ZSCAN23: variants seen among roughly 807,000 people sequenced by gnomAD.
The protein encoded by ZSCAN23 is zinc finger and SCAN domain-containing protein 23.
In ZSCAN23, 19 loss-of-function variants were observed where a neutral mutation model predicts 19.3. The observed-to-expected ratio is 0.99, with a 90% confidence interval of 0.69 to 1.45. The LOEUF (loss-of-function observed/expected upper bound fraction) is 1.45. Among genes scored for constraint, ZSCAN23 ranks in the 40% most tolerant of loss-of-function variants. The pLI, the probability that ZSCAN23 is intolerant of heterozygous loss-of-function variation, is 0.00. For missense variants in ZSCAN23, 372 were observed against 462.5 expected (o/e 0.80, Z 1.79); for synonymous variants, 140 against 166.2 (o/e 0.84, Z 1.21).
At chr6:28,442,253 G>T (rs553849200) in intron 1 of ZSCAN23, among the ~76,000 whole-genome samples, 2 of 152,260 alleles carry the variant, frequency 1.3e-5, no homozygotes, top group African/African-American at 4.8e-5. Flanking sequence ...ATGAAATGAG[G>T]TCAACAACTG....
chr6:28,429,222 C>T (rs552715060), downstream of ZSCAN23, among the ~76,000 whole-genome samples: 1 of 152,288 alleles, frequency 6.6e-6, no homozygotes, highest in South Asian at 2.1e-4. Context: ...CATGTCTTTC[C>T]CATTACACTA....
chr6:28,431,620 A>G (rs765001223), downstream of ZSCAN23, among the ~76,000 whole-genome samples: 8 of 152,246 alleles, frequency 5.3e-5, no homozygotes, highest in Non-Finnish European at 1.0e-4. Flanking sequence ...GCCCATTGGC[A>G]GTTGGCATAG....
At chr6:28,441,321 C>T (rs537840801) in intron 1 of ZSCAN23, among the ~76,000 whole-genome samples, 1 of 152,326 alleles carries the variant, frequency 6.6e-6, no homozygotes, top group South Asian at 2.1e-4. Context: ...AGACCTTTAG[C>T]TTCTGTTGTC....
chr6:28,435,785 C>T (rs775672028), intron 2 of ZSCAN23, 74 bp downstream of exon 2: 19 of 1,463,794 alleles, frequency 1.3e-5, no homozygotes, highest in Middle Eastern at 1.8e-4. Context: ...TCCTCCTCCT[C>T]TACCTTTTCT....
Position 28,432,829 on chromosome 6 carries a change from A to G in ZSCAN23, c.*1636T>C, listed in dbSNP as rs1392633100. On this transcript the variant is annotated 3_prime_UTR_variant, in exon 4 of 4. Transcript: ENST00000289788. Reference sequence around the variant, plus strand: ...AGCAAGGTATTAGAAGAGTATAAATAATATGCCATCTTCCTGAGTAATGGA... The same window carrying G: ...AGCAAGGTATTAGAAGAGTATAAATGATATGCCATCTTCCTGAGTAATGGA... 1 of 152,126 alleles carries G rather than the reference A, an allele frequency of 6.6e-6. No individual in the cohort carries two copies. The highest frequency in any genetic ancestry group is 2.4e-5 in the African/African-American group (1 of 41,448). 9.4% of individuals were successfully genotyped at this position (152,126 alleles called of 1,614,324 possible).
chr6:28,434,272 C>T lies in ZSCAN23; in HGVS notation c.*193G>A, dbSNP rs1761821633. On this transcript the variant is annotated 3_prime_UTR_variant, in exon 4 of 4. Transcript: ENST00000289788. ...TACAGCATACATGATGAAATCAACA[C>T]AAGAGGCAACATTCAGTATTGCAAA... 1.7e-6 allele frequency: 1 copy of T among 587,480 alleles called. No homozygotes were observed. Among genetic ancestry groups the T allele is most frequent in the Non-Finnish European group, 2.9e-6 (1 of 350,628 alleles). The allele number at this position is 587,480 out of a possible 1,614,324, so 36.4% of individuals were successfully genotyped here. A position where few individuals can be genotyped will look rare whatever the true frequency, so the allele number is the denominator to read the frequency against.
At chr6:28,429,571 C>T (rs1454449527), downstream of ZSCAN23, among the ~76,000 whole-genome samples, 2 of 152,150 alleles carry the variant, frequency 1.3e-5, no homozygotes, top group Non-Finnish European at 2.9e-5. Flanking sequence ...GACCTGTCAG[C>T]TGATGGATTC....
chr6:28,430,471 TAATC>T (rs1158481806), downstream of ZSCAN23, among the ~76,000 whole-genome samples: 1 of 152,186 alleles, frequency 6.6e-6, no homozygotes, highest in Non-Finnish European at 1.5e-5. Context: ...TCAAATGCAA[TAATC>T]AACACCCACC....
intron 2 of ZSCAN23, 121 bp from the exon 3 acceptor site, chr6:28,435,728 GA>G: frequency 1.4e-6 from 2 of 1,428,380 alleles, no homozygotes; most frequent in Non-Finnish European, 1.9e-6. Flanking sequence ...AACAGAGGCA[GA>G]GAGACTAAAA....
chr6:28,430,762 G>A (rs1468122113), downstream of ZSCAN23, among the ~76,000 whole-genome samples: 2 of 152,064 alleles, frequency 1.3e-5, no homozygotes, highest in African/African-American at 4.8e-5. Context: ...GTACCATCAA[G>A]TGGCAAGAGG....
At position 28,435,539 on chromosome 6, in the gene ZSCAN23, C is replaced by T. The variant is rs1407670032; in HGVS notation, c.477G>A (p.Glu159=). 6.4e-7 allele frequency: 1 copy of T among 1,551,824 alleles called. No individual in the cohort carries two copies. Reference sequence around the variant, plus strand: ...AGGTTTGGAATTGGTCATTTGATGACTCCTGAGCTGCTCCTGGAGTTGCCT... The same window carrying T: ...AGGTTTGGAATTGGTCATTTGATGATTCCTGAGCTGCTCCTGGAGTTGCCT... ...KEKATPGAAQ[E]SSNDQFQTLE... is the part of the protein sequence containing the mutation. The change falls in exon 3 of 4, where the codon GAG becomes GAA. Residue 159 remains glutamate (E), a synonymous_variant. Transcript: ENST00000289788.
At chr6:28,437,899 A>G (rs1396103720) in intron 1 of ZSCAN23, among the ~76,000 whole-genome samples, 1 of 152,086 alleles carries the variant, frequency 6.6e-6, no homozygotes, top group Admixed American at 6.5e-5. Context: ...AACCTATTTC[A>G]TTAAAAGACA....
chr6:28,429,914 GAA>G (rs979961412), downstream of ZSCAN23, among the ~76,000 whole-genome samples: 2 of 152,180 alleles, frequency 1.3e-5, no homozygotes, highest in African/African-American at 4.8e-5. Flanking sequence ...CTCTCTAGGA[GAA>G]AGGACGCACT....
At chr6:28,425,258 G>T in the ZSCAN23 span, among the ~76,000 whole-genome samples, 1 of 152,188 alleles carries the variant, frequency 6.6e-6, no homozygotes, top group Non-Finnish European at 1.5e-5. Context: ...AAATAAATGT[G>T]CTATCGTCCA....
intron 1 of ZSCAN23, among the ~76,000 whole-genome samples, chr6:28,441,313 A>G (rs1761995785): frequency 1.3e-5 from 2 of 152,180 alleles, no homozygotes; most frequent in Admixed American, 1.3e-4. Flanking sequence ...AACCAGTCAG[A>G]CCTTTAGCTT....
rs565082627 is a variant in ZSCAN23 at position 28,433,259 on chromosome 6, T to G, written c.*1206A>C. ...TGATATAATGCCTCCAGTGGCTTAA[T>G]AGAATGTTACACTAGGAAGTAGGAG... On this transcript the variant is annotated 3_prime_UTR_variant, in exon 4 of 4. Transcript: ENST00000289788. 6.6e-6 allele frequency: 1 copy of G among 152,164 alleles called. No individual in the cohort carries two copies. The highest frequency in any genetic ancestry group is 1.5e-5 in the Non-Finnish European group (1 of 67,996). The allele number at this position is 152,164 out of a possible 1,614,324, so 9.4% of individuals were successfully genotyped here.
In ZSCAN23 at chr6:28,435,927, C is replaced by T. The variant is rs772575287; in HGVS notation, c.340G>A (p.Val114Met). 4 of 1,614,108 alleles carry T rather than the reference C, an allele frequency of 2.5e-6. No homozygotes were observed. Among genetic ancestry groups the T allele is most frequent in the Non-Finnish European group, 3.4e-6 (4 of 1,179,950 alleles). The change falls in exon 2 of 4, where the codon GTG becomes ATG. Residue 114 changes from valine to methionine, a missense_variant. Physicochemically the swap from Val to Met is conservative, Grantham distance 21. Transcript: ENST00000289788. The part of the protein sequence containing the change: ...LQAWVRQHRP[V>M]SGEEAVTVLE... The stretch of plus-strand genomic sequence containing the variant: ...ACAGTCACTGCCTCCTCTCCACTCA[C>T]AGGACGGTGCTGTCTGACCCAGGCC...
chr6:28,429,448 ATATCG>A (rs980704928), downstream of ZSCAN23, among the ~76,000 whole-genome samples: 7 of 152,310 alleles, frequency 4.6e-5, no homozygotes, highest in Admixed American at 1.3e-4. Flanking sequence ...CAGATACACA[ATATCG>A]TGACCATTAG....
Position 28,434,392 on chromosome 6 carries a change from C to T in ZSCAN23, c.*73G>A, listed in dbSNP as rs907449164. ...GTAAGGGAATTTTTACTGGCTTTCCCTTGAACTTTTCTATGCTAGAGGACA... is the reference window on the plus strand; with the variant it reads ...GTAAGGGAATTTTTACTGGCTTTCCTTTGAACTTTTCTATGCTAGAGGACA... On this transcript the variant is annotated 3_prime_UTR_variant, in exon 4 of 4. Transcript: ENST00000289788. 2.1e-5 allele frequency: 30 copies of T among 1,445,282 alleles called. No individual in the cohort carries two copies. Among genetic ancestry groups the T allele is most frequent in the Non-Finnish European group, 2.7e-5 (30 of 1,094,440 alleles). 89.5% of individuals were successfully genotyped at this position (1,445,282 alleles called of 1,614,324 possible).
Sources: allele counts gnomAD v4.1 joint callset (sites outside exome capture counted in the v4.1 genomes callset), GRCh38; gene constraint gnomAD v4.1.1; transcripts MANE v1.5; gene names NCBI Gene and HGNC (gene_info 2026-07-23, HGNC 2026-07-21).